TMED3: variants seen among roughly 807,000 people sequenced by gnomAD.
TMED3 encodes transmembrane p24 trafficking protein 3.
Under a neutral mutation model 15.0 loss-of-function variants are expected in TMED3, and 9 were observed. The ratio of observed to expected loss-of-function variants is 0.60; its 90% CI spans 0.36 to 1.04. The LOEUF (loss-of-function observed/expected upper bound fraction) is 1.04, where lower values mean the gene tolerates loss of function less well. TMED3 is among the 50% of genes least tolerant of loss of function. The pLI, the probability that TMED3 is intolerant of heterozygous loss-of-function variation, is 0.01. For synonymous variants in TMED3, 117 were observed against 121.4 expected (o/e 0.96, Z 0.24); for missense variants, 267 against 278.9 (o/e 0.96, Z 0.30).
At chr15:79,346,525 G>A (rs756863363) in intron 2 of TMED3, among the ~76,000 whole-genome samples, 2 of 152,156 alleles carry the variant, frequency 1.3e-5, no homozygotes, top group African/African-American at 4.8e-5. Flanking sequence ...CACCATGATT[G>A]TGAGGCCTCC....
At chr15:79,385,990 C>T (rs1893622397) in intron 2 of TMED3, among the ~76,000 whole-genome samples, 1 of 152,206 alleles carries the variant, frequency 6.6e-6, no homozygotes. Flanking sequence ...CCCCCATGTT[C>T]TACAACACTA....
At chr15:79,370,275 T>A (rs1385738198) in intron 2 of TMED3, among the ~76,000 whole-genome samples, 1 of 140,914 alleles carries the variant, frequency 7.1e-6, no homozygotes, top group African/African-American at 2.7e-5. Flanking sequence ...TTTTTTTTTT[T>A]TTTTTTGTAT....
chr15:79,396,740 C>A (rs1170992415), intron 2 of TMED3, among the ~76,000 whole-genome samples: 1 of 152,158 alleles, frequency 6.6e-6, no homozygotes, highest in Non-Finnish European at 1.5e-5. Flanking sequence ...TGTAGTTAGC[C>A]TGAAGTGAGA....
intron 2 of TMED3, among the ~76,000 whole-genome samples, chr15:79,343,657 A>T (rs535003900): frequency 9.2e-5 from 14 of 152,276 alleles, no homozygotes; most frequent in African/African-American, 3.4e-4. Context: ...GCAGGGAGTG[A>T]GGAGCTACTG....
At chr15:79,411,462 A>C in exon 3 of TMED3, 1 of 702,500 alleles carries the variant, frequency 1.4e-6, no homozygotes, top group South Asian at 1.5e-5. Context: ...AGCCAGGCGG[A>C]ACACCTGCCA....
At chr15:79,412,104 C>A (rs1893992590) in exon 3 of TMED3, 1 of 145,712 alleles carries the variant, frequency 6.9e-6, no homozygotes, top group Admixed American at 6.8e-5. Context: ...GTGATGCGGG[C>A]CCCCAGGGCT....
chr15:79,361,185 C>A (rs1893121499), intron 2 of TMED3, among the ~76,000 whole-genome samples: 2 of 152,104 alleles, frequency 1.3e-5, no homozygotes, highest in South Asian at 4.1e-4. Flanking sequence ...TATTTTTAAC[C>A]AATTCCAAGT....
chr15:79,377,287 TG>T (rs1893442868), intron 2 of TMED3, among the ~76,000 whole-genome samples: 1 of 150,394 alleles, frequency 6.6e-6, no homozygotes, highest in Admixed American at 6.6e-5. Flanking sequence ...TGTGTGTGTG[TG>T]TGTGTGTGTG....
At chr15:79,326,165 G>A (rs2058786729), downstream of TMED3, among the ~76,000 whole-genome samples, 1 of 152,118 alleles carries the variant, frequency 6.6e-6, no homozygotes, top group Admixed American at 6.5e-5. Context: ...ATAATTCAAA[G>A]AACAGACACA....
chr15:79,397,306 C>T (rs1893774013), intron 2 of TMED3, among the ~76,000 whole-genome samples: 1 of 152,206 alleles, frequency 6.6e-6, no homozygotes, highest in Non-Finnish European at 1.5e-5. Flanking sequence ...TTCTGAGAAC[C>T]ATGCCTTTCA....
intron 2 of TMED3, among the ~76,000 whole-genome samples, chr15:79,333,842 G>A (rs1299760042): frequency 6.6e-6 from 1 of 152,118 alleles, no homozygotes; most frequent in Non-Finnish European, 1.5e-5. Flanking sequence ...TTCAAACTAA[G>A]TAAAACAGGG....
chr15:79,410,570 T>A (rs1205169328), intron 2 of TMED3, among the ~76,000 whole-genome samples: 1 of 152,278 alleles, frequency 6.6e-6, no homozygotes, highest in Non-Finnish European at 1.5e-5. Flanking sequence ...CAGCTTAATT[T>A]AACAGGAAAT....
chr15:79,396,961 A>G (rs1447789670), intron 2 of TMED3, among the ~76,000 whole-genome samples: 1 of 152,210 alleles, frequency 6.6e-6, no homozygotes, highest in African/African-American at 2.4e-5. Flanking sequence ...ATTTAAAATG[A>G]CACACGTGGC....
chr15:79,321,861 C>T, intron 2 of TMED3, 117 bp from the exon 3 acceptor site: 1 of 1,268,170 alleles, frequency 7.9e-7, no homozygotes, highest in Non-Finnish European at 1.1e-6. Context: ...TTAGCACAGA[C>T]TCTTAGTTAG....
intron 2 of TMED3, among the ~76,000 whole-genome samples, chr15:79,378,945 ATATACT>A (rs1386285413): frequency 2.0e-5 from 3 of 152,242 alleles, no homozygotes; most frequent in Non-Finnish European, 2.9e-5. Flanking sequence ...GGCAAAAGTG[ATATACT>A]TATCTATCAT....
intron 2 of TMED3, among the ~76,000 whole-genome samples, chr15:79,368,610 A>G (rs1047254575): frequency 1.3e-5 from 2 of 152,198 alleles, no homozygotes; most frequent in African/African-American, 4.8e-5. Context: ...ATCTTAATAA[A>G]TCTAATCTAG....
intron 2 of TMED3, among the ~76,000 whole-genome samples, chr15:79,345,270 ATTAGT>A (rs1437849523): frequency 1.3e-5 from 2 of 152,048 alleles, no homozygotes; most frequent in African/African-American, 2.4e-5. Context: ...CCTAGTACCC[ATTAGT>A]TATTTTTCCT....
chr15:79,357,549 C>T (rs532378128), intron 2 of TMED3, among the ~76,000 whole-genome samples: 4 of 146,932 alleles, frequency 2.7e-5, no homozygotes, highest in East Asian at 2.0e-4. Context: ...AAGCAGAACA[C>T]GTCTTCTTGA....
At position 79,336,827 on chromosome 15, in the gene TMED3, A is replaced by T. The variant is rs1595892158; in HGVS notation, c.417+22822A>T. Among the ~76,000 whole-genome samples the T allele has an allele frequency of 3.3e-5, 5 of 152,370 alleles. No individual in the cohort carries two copies. In the South Asian group the frequency reaches 1.0e-3, roughly 32 times the overall value. On this transcript the variant is annotated intron_variant, in intron 2 of 2. Coordinates refer to the TMED3 transcript ENST00000424155. ...TACACCCACTAGAGTTGATCGATTG[A>T]CTTATAAAATAGAGGGACATAGATA... is the stretch of plus-strand genomic sequence containing the variant.
Sources: allele counts gnomAD v4.1 joint callset (sites outside exome capture counted in the v4.1 genomes callset), GRCh38; gene constraint gnomAD v4.1.1; transcripts MANE v1.5; gene names NCBI Gene and HGNC (gene_info 2026-07-23, HGNC 2026-07-21).